NIBAN1: variants seen among roughly 807,000 people sequenced by gnomAD.
NIBAN1 encodes niban apoptosis regulator 1.
NIBAN1 carries 81 observed loss-of-function variants against 75.1 expected under a neutral mutation model. That is an observed-to-expected ratio of 1.08 (90% confidence interval 0.90 to 1.30). The LOEUF is 1.30. NIBAN1 is among the 50% of genes most tolerant of loss of function. The pLI, the probability that NIBAN1 is intolerant of heterozygous loss-of-function variation, is 0.00. For synonymous variants in NIBAN1, 436 were observed against 424.8 expected, an observed-to-expected ratio of 1.03 and a Z score of -0.32; for missense variants, 1,133 against 1,128.1, an observed-to-expected ratio of 1.00 and a Z score of -0.06.
At chr1:184,884,581 C>G in intron 5 of NIBAN1, 52 bp downstream of exon 5, 1 of 1,601,480 alleles carries the variant, frequency 6.2e-7, no homozygotes, top group Non-Finnish European at 8.5e-7. Flanking sequence ...AACAACTCAG[C>G]GAGGGCTGCC....
chr1:184,934,125 A>G (rs932567233), intron 1 of NIBAN1, among the ~76,000 whole-genome samples: 3 of 152,254 alleles, frequency 2.0e-5, no homozygotes, highest in Non-Finnish European at 2.9e-5. Flanking sequence ...ACACTATGGA[A>G]TACTATGCAG....
intron 1 of NIBAN1, among the ~76,000 whole-genome samples, chr1:184,942,879 A>G (rs1490660421): frequency 6.6e-6 from 1 of 152,000 alleles, no homozygotes; most frequent in Non-Finnish European, 1.5e-5. Context: ...GAGAAAAGGG[A>G]CCTCCAAGTG....
chr1:184,921,248 G>C (rs888462129), intron 1 of NIBAN1, among the ~76,000 whole-genome samples: 3 of 151,916 alleles, frequency 2.0e-5, no homozygotes, highest in African/African-American at 4.8e-5. Flanking sequence ...ACTGAGCCGA[G>C]ATTGCGCCAT....
intron 6 of NIBAN1, among the ~76,000 whole-genome samples, chr1:184,824,470 C>T (rs1456770696): frequency 5.3e-5 from 8 of 151,958 alleles, no homozygotes; most frequent in East Asian, 1.9e-4. Flanking sequence ...TCTCCACAGC[C>T]AGAACCCAAG....
rs144062493 is a variant in NIBAN1 at position 184,810,987 on chromosome 1, G to T, written c.1174-2752C>A. 3.5e-3 allele frequency among the ~76,000 whole-genome samples: 534 copies of T among 152,292 alleles called. 3 individuals are homozygous for T. The highest frequency in any genetic ancestry group is 0.013 in the African/African-American group (526 of 41,556). On this transcript the variant is annotated intron_variant, in intron 9 of 13. Coordinates refer to ENST00000367511, the MANE Select transcript of NIBAN1 (RefSeq NM_052966.4). ...TCAGAGCGGCTGGGGATCGCGGTAA[G>T]CTCCCTCTCGGAATTTGAAGCTCCA...
At chr1:184,810,122 A>C (rs1457955695) in intron 9 of NIBAN1, among the ~76,000 whole-genome samples, 2 of 152,258 alleles carry the variant, frequency 1.3e-5, no homozygotes, top group Non-Finnish European at 2.9e-5. Context: ...TGATCCTGTT[A>C]ATGCACAATT....
At chr1:184,867,331 T>C (rs1299324194) in intron 5 of NIBAN1, among the ~76,000 whole-genome samples, 2 of 152,198 alleles carry the variant, frequency 1.3e-5, no homozygotes, top group Non-Finnish European at 2.9e-5. Context: ...CTGTGCATGT[T>C]AAGCTTCTTC....
intron 11 of NIBAN1, among the ~76,000 whole-genome samples, chr1:184,804,248 G>A (rs114350958): frequency 1.3e-5 from 2 of 152,218 alleles, no homozygotes; most frequent in Non-Finnish European, 2.9e-5. Context: ...ACTTCAAGGG[G>A]ATCACAGATA....
rs535334212 is a variant in NIBAN1, at chr1:184,810,794, C to T, written c.1174-2559G>A. On this transcript the variant is annotated intron_variant, in intron 9 of 13. Transcript: ENST00000367511. ...GTGATTCTAGGGACTGCCCGATTTG[C>T]GAATCATTCATTGCTCAGGTAAACT... 7.9e-5 allele frequency among the ~76,000 whole-genome samples: 12 copies of T among 152,288 alleles called. No individual in the cohort carries two copies. The East Asian group carries it at 1.7e-3, about 22-fold the overall frequency.
intron 5 of NIBAN1, among the ~76,000 whole-genome samples, chr1:184,832,362 C>T (rs1655022590): frequency 1.3e-5 from 2 of 152,310 alleles, no homozygotes; most frequent in South Asian, 2.1e-4. Context: ...AGTTTCCCAA[C>T]AAAACAATTT....
At chr1:184,805,896 G>A (rs959024841) in intron 11 of NIBAN1, 50 bp downstream of exon 11, 5 of 1,424,990 alleles carry the variant, frequency 3.5e-6, no homozygotes, top group Non-Finnish European at 5.0e-6. Flanking sequence ...AAAAGAAACA[G>A]GGGTCACGTT....
rs1653739885 is a variant in NIBAN1 at position 184,793,072 on chromosome 1, T to G, written c.*1905A>C. Reference sequence around the variant, plus strand: ...AAAGTTGCAACAATTAAATATGATATTATACATATACTGAGTATTATTCAT... The same window carrying G: ...AAAGTTGCAACAATTAAATATGATAGTATACATATACTGAGTATTATTCAT... On this transcript the variant is annotated 3_prime_UTR_variant, in exon 14 of 14. Transcript: ENST00000367511. 1 of 152,164 alleles carries G rather than the reference T, an allele frequency of 6.6e-6. No homozygotes were observed. Among genetic ancestry groups the G allele is most frequent in the Non-Finnish European group, 1.5e-5 (1 of 68,032 alleles). The allele number at this position is 152,164 out of a possible 1,614,324, so 9.4% of individuals were successfully genotyped here. A position where few individuals can be genotyped will look rare whatever the true frequency, so the allele number is the denominator to read the frequency against.
At chr1:184,860,897 G>C (rs2102275401) in intron 5 of NIBAN1, among the ~76,000 whole-genome samples, 1 of 152,286 alleles carries the variant, frequency 6.6e-6, no homozygotes, top group South Asian at 2.1e-4. Context: ...ACTTCATGAT[G>C]AGACACACAT....
intron 1 of NIBAN1, among the ~76,000 whole-genome samples, chr1:184,949,743 G>A (rs1658315528): frequency 6.6e-6 from 1 of 152,320 alleles, no homozygotes; most frequent in African/African-American, 2.4e-5. Context: ...TTCCTTCAGA[G>A]TGACTATTAA....
At chr1:184,888,532 A>G (rs1656589662) in intron 4 of NIBAN1, among the ~76,000 whole-genome samples, 1 of 152,222 alleles carries the variant, frequency 6.6e-6, no homozygotes, top group Non-Finnish European at 1.5e-5. Context: ...TCTGAGTTAC[A>G]AGAATATCAC....
chr1:184,795,352 G>C lies in NIBAN1; in HGVS notation c.2412C>G (p.Thr804=), dbSNP rs368866776. ...PASPPASGGL[T]EEPLGPMEGE... Reference sequence around the variant, plus strand: ...CCTCCATGGGCCCCAGGGGCTCCTCGGTGAGCCCTCCACTGGCTGGCGGAG... The same window carrying C: ...CCTCCATGGGCCCCAGGGGCTCCTCCGTGAGCCCTCCACTGGCTGGCGGAG... The change falls in exon 14 of 14, where the codon ACC becomes ACG. Residue 804 remains threonine (T), a synonymous_variant. Coordinates refer to ENST00000367511, the MANE Select transcript of NIBAN1 (RefSeq NM_052966.4). 1.6e-4 allele frequency: 253 copies of C among 1,609,210 alleles called. No homozygotes were observed. The highest frequency in any genetic ancestry group is 2.5e-4 in the South Asian group (23 of 90,768).
rs866771480 is a variant in NIBAN1, at chr1:184,824,820, C to T, written c.718-1078G>A. On this transcript the variant is annotated intron_variant, in intron 6 of 13. Coordinates refer to ENST00000367511, the MANE Select transcript of NIBAN1 (RefSeq NM_052966.4). ...GCATATGTCACTAATAGAATGTCTC[C>T]GAAGCTGGATTAATGTGGGGAAACA... Among the ~76,000 whole-genome samples the T allele has an allele frequency of 2.5e-4, 38 of 152,156 alleles. No homozygotes were observed. The Middle Eastern group carries it at 0.01, about 41-fold the overall frequency.
chr1:184,909,292 T>C (rs1329607194), intron 1 of NIBAN1, among the ~76,000 whole-genome samples: 2 of 152,198 alleles, frequency 1.3e-5, no homozygotes, highest in African/African-American at 4.8e-5. Flanking sequence ...GTTTCTCTCT[T>C]ATTTTCCTAT....
At chr1:184,813,939 G>T (rs765416530) in intron 9 of NIBAN1, among the ~76,000 whole-genome samples, 2 of 152,148 alleles carry the variant, frequency 1.3e-5, no homozygotes, top group Non-Finnish European at 2.9e-5. Flanking sequence ...AGTAAAAGTT[G>T]CTATGAGTTA....
Sources: gnomAD v4.1 joint callset for allele counts (sites outside exome capture counted in the v4.1 genomes callset) on GRCh38, gnomAD v4.1.1 for gene constraint, MANE v1.5 for transcripts, NCBI Gene and HGNC (gene_info 2026-07-23, HGNC 2026-07-21) for gene names.